TRUB1: variants seen among roughly 807,000 people sequenced by gnomAD.
TRUB1 encodes the protein pseudouridylate synthase TRUB1.
TRUB1 carries 23 observed loss-of-function variants against 33.9 expected under a neutral mutation model. That is an observed-to-expected ratio of 0.68 (90% confidence interval 0.49 to 0.96). The LOEUF is 0.96. Among genes scored for constraint, TRUB1 ranks in the 40% least tolerant of loss-of-function variants. The probability of loss-of-function intolerance (pLI) is 0.00; values close to 1 mark genes in which losing one functional copy is unlikely to be tolerated. For missense variants in TRUB1, 378 were observed against 422.2 expected, an observed-to-expected ratio of 0.90 and a Z score of 0.92; for synonymous variants, 163 against 165.4, an observed-to-expected ratio of 0.99 and a Z score of 0.11.
In TRUB1 at chr10:114,972,244, C is replaced by T. The variant is rs1314663109; in HGVS notation, c.706C>T (p.Gln236Ter). 6.2e-7 allele frequency: 1 copy of T among 1,607,338 alleles called. No homozygotes were observed. The highest frequency in any genetic ancestry group is 8.5e-7 in the Non-Finnish European group (1 of 1,178,452). Residue 236 changes from glutamine to a stop codon, truncating the protein, a stop_gained, in exon 6 of 8, where the codon CAA becomes TAA. Coordinates refer to ENST00000298746, the MANE Select transcript of TRUB1 (RefSeq NM_139169.5). LOFTEE classifies it high-confidence loss of function. ...RPVTVYSISLQKFQPPFFTLD... is the reference protein window; with the variant it reads ...RPVTVYSISL ...AGTGACTGTATACAGTATCTCCCTT[C>T]AAAAATTCCAGCCACCATTTTTCAC...
chr10:114,970,912 A>G lies in TRUB1; in HGVS notation c.596+472A>G, dbSNP rs2084334080. 2.0e-5 allele frequency among the ~76,000 whole-genome samples: 3 copies of G among 152,364 alleles called. No homozygotes were observed. The South Asian group carries it at 6.2e-4, about 32-fold the overall frequency. On this transcript the variant is annotated intron_variant, in intron 5 of 7. Coordinates refer to ENST00000298746, the MANE Select transcript of TRUB1 (RefSeq NM_139169.5). Reference sequence around the variant, plus strand: ...AGCCAGCGAAACCGATGAGAGTTACAACTTATTAAAAATACAAGTATATTG... The same window carrying G: ...AGCCAGCGAAACCGATGAGAGTTACGACTTATTAAAAATACAAGTATATTG...
At chr10:114,963,704 A>G (rs1371959950) in intron 4 of TRUB1, among the ~76,000 whole-genome samples, 1 of 152,232 alleles carries the variant, frequency 6.6e-6, no homozygotes, top group African/African-American at 2.4e-5. Flanking sequence ...TGAATTTAGT[A>G]TAAATGGAAT....
At chr10:114,943,750 T>C (rs1161563835) in intron 2 of TRUB1, among the ~76,000 whole-genome samples, 1 of 152,164 alleles carries the variant, frequency 6.6e-6, no homozygotes, top group Non-Finnish European at 1.5e-5. Context: ...ACTACATCAC[T>C]GTAAAATTCT....
At chr10:114,947,448 T>A (rs570916855) in intron 2 of TRUB1, among the ~76,000 whole-genome samples, 9 of 152,290 alleles carry the variant, frequency 5.9e-5, no homozygotes, top group South Asian at 2.1e-4. Flanking sequence ...TTCAAAAAAA[T>A]TTTTTTAACT....
intron 4 of TRUB1, 117 bp downstream of exon 4, chr10:114,959,924 C>G: frequency 1.5e-6 from 1 of 650,096 alleles, no homozygotes; most frequent in Non-Finnish European, 2.7e-6. Context: ...CAGTGTGTTT[C>G]TTTGGGCTAA....
rs2084167760 is a variant in TRUB1 at position 114,938,218 on chromosome 10, C to A, written c.-36C>A. The A allele has an allele frequency of 1.2e-6, 2 of 1,603,728 alleles. No individual in the cohort carries two copies. Among genetic ancestry groups the A allele is most frequent in the Non-Finnish European group, 1.7e-6 (2 of 1,176,472 alleles). ...GCACTCTTGTTGCATCATCAGCGTG[C>A]ACCTCCACGATGAAACAGGTCTGGG... On this transcript the variant is annotated 5_prime_UTR_variant, in exon 1 of 8. Coordinates refer to ENST00000298746, the MANE Select transcript of TRUB1 (RefSeq NM_139169.5).
intron 5 of TRUB1, 140 bp from the exon 6 acceptor site, chr10:114,971,995 A>G (rs2084338773): frequency 2.2e-6 from 2 of 920,716 alleles, no homozygotes; most frequent in African/African-American, 3.4e-5. Flanking sequence ...TTCATTTTTT[A>G]GAAGGATTTT....
chr10:114,975,291 A>C lies in TRUB1; in HGVS notation c.962A>C (p.Lys321Thr). Residue 321 changes from lysine to threonine, a missense_variant, in exon 8 of 8, where the codon AAA (lysine) becomes ACA (threonine). By Grantham distance (78) the Lys-to-Thr change is moderately conservative. Coordinates refer to ENST00000298746, the MANE Select transcript of TRUB1 (RefSeq NM_139169.5). ...FPAELALKKS[K>T]PESNEQVLSC... ...GCAGAGTTGGCACTTAAAAAATCAA[A>C]ACCTGAGTCTAATGAACAGGTTTTG... 1 of 1,613,560 alleles carries C rather than the reference A, an allele frequency of 6.2e-7. No homozygotes were observed. The highest frequency in any genetic ancestry group is 2.2e-5 in the East Asian group (1 of 44,862).
At chr10:114,954,250 A>T (rs2084250896) in intron 3 of TRUB1, among the ~76,000 whole-genome samples, 2 of 152,282 alleles carry the variant, frequency 1.3e-5, no homozygotes, top group African/African-American at 4.8e-5. Flanking sequence ...GATGGCAAAT[A>T]TTCAGTGTTC....
chr10:114,959,124 A>G (rs1235878455), intron 3 of TRUB1, among the ~76,000 whole-genome samples: 2 of 152,146 alleles, frequency 1.3e-5, no homozygotes, highest in East Asian at 3.9e-4. Flanking sequence ...CAGCGAGCAA[A>G]ACTCCATCTC....
chr10:114,950,084 G>C (rs1383807709), intron 2 of TRUB1, among the ~76,000 whole-genome samples: 1 of 151,946 alleles, frequency 6.6e-6, no homozygotes, highest in African/African-American at 2.4e-5. Flanking sequence ...TTTTAGTAGA[G>C]ACGGGGTTTC....
At chr10:114,967,320 G>A (rs547152959) in intron 4 of TRUB1, among the ~76,000 whole-genome samples, 1 of 152,250 alleles carries the variant, frequency 6.6e-6, no homozygotes, top group East Asian at 1.9e-4. Flanking sequence ...CCTGTTGTCT[G>A]TCTAAAAACT....
chr10:114,971,445 G>GT (rs1208822406), intron 5 of TRUB1, among the ~76,000 whole-genome samples: 3 of 151,784 alleles, frequency 2.0e-5, no homozygotes, highest in Non-Finnish European at 2.9e-5. Flanking sequence ...AAAATCTTGA[G>GT]TTTTTTTCAG....
chr10:114,953,777 G>A (rs2084247719), intron 3 of TRUB1, among the ~76,000 whole-genome samples: 1 of 152,160 alleles, frequency 6.6e-6, no homozygotes. Context: ...GCCTCTGGAA[G>A]CTTACACTTG....
At chr10:114,945,931 T>C (rs1364792544) in intron 2 of TRUB1, among the ~76,000 whole-genome samples, 1 of 152,238 alleles carries the variant, frequency 6.6e-6, no homozygotes, top group Non-Finnish European at 1.5e-5. Context: ...TATGATGATA[T>C]AATATGTTCA....
chr10:114,942,162 G>C (rs1324712423), intron 1 of TRUB1, among the ~76,000 whole-genome samples: 1 of 152,194 alleles, frequency 6.6e-6, no homozygotes, highest in African/African-American at 2.4e-5. Context: ...GGAATTTAGT[G>C]TATTTAGAAG....
At chr10:114,943,941 A>G (rs1420913345) in intron 2 of TRUB1, among the ~76,000 whole-genome samples, 1 of 151,994 alleles carries the variant, frequency 6.6e-6, no homozygotes, top group African/African-American at 2.4e-5. Flanking sequence ...TTGCTTGTGA[A>G]GGAAAATTGG....
At chr10:114,975,003 A>G (rs2084353551) in intron 7 of TRUB1, 120 bp from the exon 8 acceptor site, 2 of 1,173,174 alleles carry the variant, frequency 1.7e-6, no homozygotes, top group African/African-American at 3.1e-5. Context: ...ATATTGGATT[A>G]TTATACTTTT....
intron 4 of TRUB1, among the ~76,000 whole-genome samples, chr10:114,962,159 G>T (rs191772381): frequency 6.6e-6 from 1 of 152,262 alleles, no homozygotes; most frequent in African/African-American, 2.4e-5. Context: ...GGGTTCAAGT[G>T]ATTCTTCTGC....
Sources: gnomAD v4.1 joint callset for allele counts (sites outside exome capture counted in the v4.1 genomes callset) on GRCh38, gnomAD v4.1.1 for gene constraint, MANE v1.5 for transcripts, NCBI Gene and HGNC (gene_info 2026-07-23, HGNC 2026-07-21) for gene names.